The following CCDC60 variants were observed in gnomAD, a reference collection of about 807,000 sequenced individuals.
CCDC60 encodes coiled-coil domain containing 60.
CCDC60 carries 54 observed loss-of-function variants against 63.5 expected under a neutral mutation model. The observed-to-expected ratio is 0.85, with a 90% CI of 0.68 to 1.07. CCDC60 has a LOEUF of 1.07. CCDC60 is among the 50% of genes least tolerant of loss of function. CCDC60 has a pLI of 0.00. For missense variants in CCDC60, 651 were observed against 684.3 expected (o/e 0.95, Z 0.54); for synonymous variants, 206 against 238.8 (o/e 0.86, Z 1.27).
At chr12:119,373,639 G>C (rs915455978) in intron 1 of CCDC60, among the ~76,000 whole-genome samples, 1 of 124,404 alleles carries the variant, frequency 8.0e-6, no homozygotes, top group Non-Finnish European at 1.7e-5. Flanking sequence ...TGCAAACTTA[G>C]GCAAGATACT....
rs16949241 is a variant in CCDC60, at chr12:119,479,013, G to A, written c.342-81G>A. 7.4e-3 allele frequency: 7,063 copies of A among 958,092 alleles called. 203 individuals are homozygous for A. The African/African-American group carries it at 0.08, about 11-fold the overall frequency. The allele number at this position is 958,092 out of a possible 1,614,324, so 59.3% of individuals were successfully genotyped here. A position where few individuals can be genotyped will look rare whatever the true frequency, so the allele number is the denominator to read the frequency against. The stretch of plus-strand genomic sequence containing the variant: ...TAGTAAGTGTCCAGTCATATCTGCC[G>A]AATAGACCGTGGCAAGAGAAGAAGG... On this transcript the variant is annotated intron_variant, in intron 3 of 13. Transcript: ENST00000327554.
intron 2 of CCDC60, among the ~76,000 whole-genome samples, chr12:119,468,256 C>T (rs1468485675): frequency 6.6e-6 from 1 of 152,154 alleles, no homozygotes; most frequent in East Asian, 1.9e-4. Context: ...CGCACCACTA[C>T]ACTCCAGCCT....
chr12:119,452,233 G>T (rs914540558), intron 2 of CCDC60, among the ~76,000 whole-genome samples: 2 of 152,160 alleles, frequency 1.3e-5, no homozygotes, highest in Middle Eastern at 3.2e-3. Context: ...CTGACAATTA[G>T]CAATAATGTG....
intron 11 of CCDC60, among the ~76,000 whole-genome samples, chr12:119,527,666 C>CTTTCTT (rs1161185946): frequency 2.4e-3 from 205 of 84,976 alleles, no homozygotes; most frequent in East Asian, 3.4e-3. Context: ...TTCTTTCTTT[C>CTTTCTT]TTTTTTTTTT....
At chr12:119,462,505 T>TA (rs932379337) in intron 2 of CCDC60, among the ~76,000 whole-genome samples, 5 of 152,072 alleles carry the variant, frequency 3.3e-5, no homozygotes, top group East Asian at 1.9e-4. Flanking sequence ...TGTCTCACTT[T>TA]AAAAAAAATT....
At chr12:119,481,976 G>GTA (rs1162106088) in intron 4 of CCDC60, among the ~76,000 whole-genome samples, 5 of 134,476 alleles carry the variant, frequency 3.7e-5, no homozygotes, top group African/African-American at 8.1e-5. Flanking sequence ...TATATATATA[G>GTA]TATATATATG....
In CCDC60 at chr12:119,380,772, G is replaced by A. The variant is rs1355894214; in HGVS notation, c.90+45506G>A. ...GCTCTTCCTTTTAACAGAAAGGGCA[G>A]GCCTCAGGCTCAGAGCCTTGTGAAG... On this transcript the variant is annotated intron_variant, in intron 1 of 13. Coordinates refer to ENST00000327554, the MANE Select transcript of CCDC60 (RefSeq NM_178499.5). 2.6e-5 allele frequency among the ~76,000 whole-genome samples: 4 copies of A among 152,194 alleles called. No homozygotes were observed. In the East Asian group the frequency reaches 7.7e-4, roughly 29 times the overall value.
chr12:119,342,291 C>T (rs985687160), intron 1 of CCDC60, among the ~76,000 whole-genome samples: 1 of 152,184 alleles, frequency 6.6e-6, no homozygotes, highest in African/African-American at 2.4e-5. Flanking sequence ...CAGAAGCTTT[C>T]CAAGAACCTT....
At chr12:119,385,496 C>A (rs1956050789) in intron 1 of CCDC60, among the ~76,000 whole-genome samples, 1 of 152,224 alleles carries the variant, frequency 6.6e-6, no homozygotes, top group South Asian at 2.1e-4. Context: ...CCCCCTTTCA[C>A]TTGGCTCGCA....
At chr12:119,413,875 G>A (rs1956650818) in intron 1 of CCDC60, among the ~76,000 whole-genome samples, 2 of 152,294 alleles carry the variant, frequency 1.3e-5, no homozygotes, top group South Asian at 4.1e-4. Context: ...GTTCACAGAA[G>A]AGAGGGAGAA....
At chr12:119,343,832 G>C (rs570409260) in intron 1 of CCDC60, among the ~76,000 whole-genome samples, 2 of 151,996 alleles carry the variant, frequency 1.3e-5, no homozygotes, top group Admixed American at 6.6e-5. Context: ...AATACATCAG[G>C]GAGGAAGGGA....
At chr12:119,530,219 T>A (rs1952799217) in intron 12 of CCDC60, among the ~76,000 whole-genome samples, 1 of 150,978 alleles carries the variant, frequency 6.6e-6, no homozygotes, top group African/African-American at 2.4e-5. Context: ...ATCAGTTACA[T>A]CTTCAAAATT....
chr12:119,444,386 A>C (rs1424422622), intron 2 of CCDC60, among the ~76,000 whole-genome samples: 1 of 152,232 alleles, frequency 6.6e-6, no homozygotes, highest in Non-Finnish European at 1.5e-5. Flanking sequence ...CCTTTCTCAT[A>C]GTCTCGTCAC....
intron 2 of CCDC60, among the ~76,000 whole-genome samples, chr12:119,470,935 T>C (rs1593135008): frequency 6.6e-6 from 1 of 152,330 alleles, no homozygotes; most frequent in East Asian, 1.9e-4. Context: ...CACACATTGC[T>C]TGCTTACTAG....
intron 5 of CCDC60, 90 bp from the exon 6 acceptor site, chr12:119,499,988 T>A: frequency 1.1e-6 from 1 of 910,522 alleles, no homozygotes. Context: ...CCAGCCACCA[T>A]TCCTCCTCTA....
At chr12:119,465,137 C>A (rs1242176417) in intron 2 of CCDC60, among the ~76,000 whole-genome samples, 6 of 151,898 alleles carry the variant, frequency 4.0e-5, no homozygotes, top group Non-Finnish European at 7.4e-5. Flanking sequence ...TGGTGAAACC[C>A]CGTCTCTACT....
At chr12:119,534,833 G>A (rs186660497) in intron 13 of CCDC60, among the ~76,000 whole-genome samples, 10 of 152,264 alleles carry the variant, frequency 6.6e-5, no homozygotes, top group Admixed American at 5.2e-4. Context: ...TTTTATTGAG[G>A]ACTTTCACAT....
chr12:119,368,642 A>G (rs1381713667), intron 1 of CCDC60, among the ~76,000 whole-genome samples: 1 of 152,232 alleles, frequency 6.6e-6, no homozygotes, highest in Non-Finnish European at 1.5e-5. Context: ...AGGTTGTACC[A>G]GTGGCCTCAA....
chr12:119,463,452 C>G (rs1950895432), intron 2 of CCDC60, among the ~76,000 whole-genome samples: 1 of 152,240 alleles, frequency 6.6e-6, no homozygotes, highest in Non-Finnish European at 1.5e-5. Flanking sequence ...CTGCTTCTTT[C>G]CAGCTCTGTG....
Sources: gnomAD v4.1 joint callset for allele counts (sites outside exome capture counted in the v4.1 genomes callset) on GRCh38, gnomAD v4.1.1 for gene constraint, MANE v1.5 for transcripts, NCBI Gene and HGNC (gene_info 2026-07-23, HGNC 2026-07-21) for gene names.